The following DLGAP2 variants were observed in gnomAD, a reference collection of about 807,000 sequenced individuals.
DLGAP2 encodes disks large-associated protein 2.
Under a neutral mutation model 100.3 loss-of-function variants are expected in DLGAP2, and 26 were observed. That is an observed-to-expected ratio of 0.26 (90% CI 0.19 to 0.36). The LOEUF (loss-of-function observed/expected upper bound fraction) is 0.36, where lower values mean the gene tolerates loss of function less well. Ranked by LOEUF, DLGAP2 falls within the 10% of genes least tolerant of loss-of-function variation. The pLI, the probability that DLGAP2 is intolerant of heterozygous loss-of-function variation, is 1.00. For missense variants in DLGAP2, 1,858 were observed against 1,453.2 expected (o/e 1.28, Z -4.53); for synonymous variants, 886 against 630.1 (o/e 1.41, Z -6.08).
At chr8:1,280,350 T>G (rs1328620450) in intron 3 of DLGAP2, among the ~76,000 whole-genome samples, 4 of 152,206 alleles carry the variant, frequency 2.6e-5, no homozygotes, top group Non-Finnish European at 4.4e-5. Flanking sequence ...CCATGAATAT[T>G]TAACTGAGGA....
In DLGAP2 at chr8:1,701,446, C is replaced by T. The variant is rs2130894349; in HGVS notation, c.*40C>T. The T allele has an allele frequency of 6.5e-7, 1 of 1,541,300 alleles. No individual in the cohort carries two copies. The highest frequency in any genetic ancestry group is 2.0e-5 in the Admixed American group (1 of 50,952). On this transcript the variant is annotated 3_prime_UTR_variant, in exon 15 of 15. Transcript: ENST00000637795. Reference sequence around the variant, plus strand: ...GCCTTCCCCTCGTCGCTTCCGCTTTCCCGGACGCTTGTGCAGCGCGGCGCC... The same window carrying T: ...GCCTTCCCCTCGTCGCTTCCGCTTTTCCGGACGCTTGTGCAGCGCGGCGCC...
At chr8:1,192,117 T>C (rs1797653311) in intron 2 of DLGAP2, among the ~76,000 whole-genome samples, 1 of 152,116 alleles carries the variant, frequency 6.6e-6, no homozygotes, top group Non-Finnish European at 1.5e-5. Flanking sequence ...GATGGCTTTC[T>C]CCTCTCGTAC....
intron 2 of DLGAP2, among the ~76,000 whole-genome samples, chr8:1,020,142 C>A (rs4735967): frequency 1.3e-5 from 2 of 152,144 alleles, no homozygotes; most frequent in African/African-American, 4.8e-5. Flanking sequence ...AGTATCCATA[C>A]AGTGGCCTGA....
rs192489265 is a variant in DLGAP2 at position 1,314,256 on chromosome 8, G to A, written c.106+55373G>A. On this transcript the variant is annotated intron_variant, in intron 3 of 14. Coordinates refer to ENST00000637795, the MANE Select transcript of DLGAP2 (RefSeq NM_001346810.2). Reference sequence around the variant, plus strand: ...ATTGAGTTACTGTTGAGTTAGACACGTGAAATACTTTTGGTCACTGACCCT... The same window carrying A: ...ATTGAGTTACTGTTGAGTTAGACACATGAAATACTTTTGGTCACTGACCCT... 2.3e-3 allele frequency among the ~76,000 whole-genome samples: 344 copies of A among 152,274 alleles called. 4 individuals are homozygous for A. Among genetic ancestry groups the A allele is most frequent in the Non-Finnish European group, 3.7e-3 (252 of 68,022 alleles).
intron 11 of DLGAP2, among the ~76,000 whole-genome samples, chr8:1,676,917 G>A (rs892188461): frequency 3.3e-5 from 5 of 152,360 alleles, no homozygotes; most frequent in South Asian, 2.1e-4. Flanking sequence ...GACGGGCTGA[G>A]GGTGACGCCA....
intron 2 of DLGAP2, among the ~76,000 whole-genome samples, chr8:1,252,453 T>A (rs4532616): frequency 0.053 from 8,031 of 152,138 alleles, 678 homozygotes; most frequent in African/African-American, 0.18. Flanking sequence ...CACTGTGGTG[T>A]TGTCACGTGC....
intron 2 of DLGAP2, among the ~76,000 whole-genome samples, chr8:1,193,665 C>T (rs767090115): frequency 6.6e-6 from 1 of 152,150 alleles, no homozygotes; most frequent in Non-Finnish European, 1.5e-5. Flanking sequence ...TTTCTGTGAA[C>T]GATCCCATTG....
intron 2 of DLGAP2, among the ~76,000 whole-genome samples, chr8:1,198,672 C>T (rs146983147): frequency 6.6e-6 from 1 of 152,284 alleles, no homozygotes; most frequent in South Asian, 2.1e-4. Flanking sequence ...CCAGCTCCAC[C>T]CCATGTCCAT....
intron 2 of DLGAP2, among the ~76,000 whole-genome samples, chr8:1,084,982 C>T (rs561398649): frequency 1.3e-5 from 2 of 152,346 alleles, no homozygotes; most frequent in African/African-American, 2.4e-5. Flanking sequence ...TACATTCCCA[C>T]TAACAGCGAA....
At chr8:854,326 T>A (rs916932204) in intron 1 of DLGAP2, among the ~76,000 whole-genome samples, 3 of 152,090 alleles carry the variant, frequency 2.0e-5, no homozygotes, top group Non-Finnish European at 4.4e-5. Context: ...TCAGTGGGTA[T>A]CCTTATCCTT....
intron 3 of DLGAP2, among the ~76,000 whole-genome samples, chr8:1,289,944 G>A (rs541707449): frequency 1.3e-5 from 2 of 152,216 alleles, no homozygotes; most frequent in Non-Finnish European, 2.9e-5. Context: ...ACTCAAGACA[G>A]ATCAAATGGT....
chr8:1,187,701 T>C (rs1232302296), intron 2 of DLGAP2, among the ~76,000 whole-genome samples: 8 of 121,848 alleles, frequency 6.6e-5, no homozygotes, highest in East Asian at 5.8e-4. Context: ...CCAGGACCTC[T>C]GTGACGTTTC....
At chr8:1,254,533 T>C (rs1278079665) in intron 2 of DLGAP2, among the ~76,000 whole-genome samples, 2 of 152,144 alleles carry the variant, frequency 1.3e-5, no homozygotes, top group Non-Finnish European at 2.9e-5. Flanking sequence ...TGGGGCGCGA[T>C]CATTGGCAGC....
chr8:1,354,971 G>A (rs1228030042), intron 3 of DLGAP2, among the ~76,000 whole-genome samples: 7 of 140,168 alleles, frequency 5.0e-5, no homozygotes, highest in Non-Finnish European at 6.2e-5. Context: ...TGCTGCGGAT[G>A]AGGGTGGAAA....
intron 3 of DLGAP2, among the ~76,000 whole-genome samples, chr8:1,419,014 G>A (rs1466816604): frequency 6.6e-6 from 1 of 152,260 alleles, no homozygotes; most frequent in East Asian, 1.9e-4. Context: ...GGGGCACATG[G>A]GGCGAGGCAG....
At chr8:1,227,654 A>C (rs553174836) in intron 2 of DLGAP2, among the ~76,000 whole-genome samples, 2 of 152,266 alleles carry the variant, frequency 1.3e-5, no homozygotes, top group African/African-American at 4.8e-5. Flanking sequence ...CGTTATGCTA[A>C]ATGAAATAAG....
chr8:1,692,534 G>A (rs1203510097), intron 13 of DLGAP2, among the ~76,000 whole-genome samples: 1 of 152,186 alleles, frequency 6.6e-6, no homozygotes, highest in Non-Finnish European at 1.5e-5. Flanking sequence ...GAGGCGGGCT[G>A]CAGCAGCGCG....
chr8:1,420,738 A>C (rs1042928350), intron 3 of DLGAP2, among the ~76,000 whole-genome samples: 2 of 151,296 alleles, frequency 1.3e-5, no homozygotes, highest in Non-Finnish European at 3.0e-5. Flanking sequence ...CACATAACTC[A>C]GCTCCCTGGC....
intron 2 of DLGAP2, among the ~76,000 whole-genome samples, chr8:997,952 C>G (rs1207149913): frequency 6.6e-6 from 1 of 152,036 alleles, no homozygotes; most frequent in African/African-American, 2.4e-5. Flanking sequence ...ACAAACACAT[C>G]ACACATGCAT....
Sources: gnomAD v4.1 joint callset for allele counts (sites outside exome capture counted in the v4.1 genomes callset) on GRCh38, gnomAD v4.1.1 for gene constraint, MANE v1.5 for transcripts, NCBI Gene and HGNC (gene_info 2026-07-23, HGNC 2026-07-21) for gene names.